The following SPANXN4 variants were observed in gnomAD, a reference collection of about 807,000 sequenced individuals.
SPANXN4 encodes sperm protein associated with the nucleus on the X chromosome N4.
In SPANXN4, 5 loss-of-function variants were observed where a neutral mutation model predicts 6.0. The observed-to-expected ratio is 0.83, with a 90% CI of 0.44 to 1.75. The LOEUF is 1.75. SPANXN4 is among the 40% of genes most tolerant of loss of function. SPANXN4 has a pLI of 0.02. For missense variants in SPANXN4, 157 were observed against 108.6 expected, an observed-to-expected ratio of 1.45 and a Z score of -1.98; for synonymous variants, 45 against 38.0, an observed-to-expected ratio of 1.19 and a Z score of -0.68.
intron 1 of SPANXN4, among the ~76,000 whole-genome samples, chrX:143,030,981 T>C (rs1484786589): frequency 9.0e-6 from 1 of 111,516 alleles, no homozygotes; most frequent in African/African-American, 3.3e-5. Context: ...TGTGTGGCTA[T>C]TGTGGGTTTA....
intron 1 of SPANXN4, among the ~76,000 whole-genome samples, chrX:143,033,696 C>T (rs950622311): frequency 1.8e-5 from 2 of 111,971 alleles, no homozygotes; most frequent in Non-Finnish European, 3.8e-5. Flanking sequence ...AGCAATGTTT[C>T]TTAGTTGGGC....
chrX:143,036,335 T>A (rs940877327), downstream of SPANXN4, among the ~76,000 whole-genome samples: 1 of 110,944 alleles, frequency 9.0e-6, no homozygotes, highest in Non-Finnish European at 1.9e-5. Context: ...TCACACCGAA[T>A]CTCACAGATC....
downstream of SPANXN4, among the ~76,000 whole-genome samples, chrX:143,036,359 G>C (rs1932843903): frequency 9.0e-6 from 1 of 110,647 alleles, no homozygotes. Flanking sequence ...ACACAGAATT[G>C]GGGAGTATGA....
chrX:143,026,374 AC>A (rs1932778596), intron 1 of SPANXN4, among the ~76,000 whole-genome samples: 1 of 110,810 alleles, frequency 9.0e-6, no homozygotes, highest in Non-Finnish European at 1.9e-5. Context: ...TGTTGCTTGG[AC>A]CTTTTTCCCC....
intron 1 of SPANXN4, among the ~76,000 whole-genome samples, chrX:143,031,195 G>C (rs1460403833): frequency 9.0e-6 from 1 of 110,877 alleles, no homozygotes; most frequent in Non-Finnish European, 1.9e-5. Flanking sequence ...AGTGGTGAAG[G>C]AGGGTGTTGA....
intron 1 of SPANXN4, among the ~76,000 whole-genome samples, chrX:143,029,118 C>A (rs1349453155): frequency 9.0e-5 from 10 of 111,111 alleles, no homozygotes; most frequent in African/African-American, 3.3e-4. Flanking sequence ...TTAAGGGCTG[C>A]CTGCCAGGCT....
At chrX:143,031,136 C>T (rs1206644604) in intron 1 of SPANXN4, among the ~76,000 whole-genome samples, 2 of 110,654 alleles carry the variant, frequency 1.8e-5, no homozygotes, top group Non-Finnish European at 3.8e-5. Flanking sequence ...ATTTACTTAA[C>T]TTTCCCACCC....
downstream of SPANXN4, among the ~76,000 whole-genome samples, chrX:143,037,479 C>T (rs1302198865): frequency 9.0e-6 from 1 of 111,528 alleles, no homozygotes; most frequent in East Asian, 2.8e-4. Flanking sequence ...TCTCACTCCC[C>T]CAGCTTGACT....
intron 1 of SPANXN4, among the ~76,000 whole-genome samples, chrX:143,030,247 G>A (rs1718403850): frequency 9.0e-6 from 1 of 110,573 alleles, no homozygotes; most frequent in Admixed American, 9.6e-5. Context: ...TCCTGAATTA[G>A]CTCATTTTGT....
intron 1 of SPANXN4, among the ~76,000 whole-genome samples, chrX:143,028,093 G>T (rs562091914): frequency 1.7e-4 from 19 of 111,573 alleles, no homozygotes; most frequent in African/African-American, 5.9e-4. Context: ...GTCCTGTGAG[G>T]GAGAGAGAGT....
intron 1 of SPANXN4, among the ~76,000 whole-genome samples, chrX:143,030,595 C>A (rs1352273291): frequency 2.0e-5 from 2 of 98,150 alleles, no homozygotes; most frequent in Non-Finnish European, 4.1e-5. Context: ...TACATGAAAG[C>A]AAAAAAAAAA....
downstream of SPANXN4, chrX:143,034,816 T>G: frequency 1.4e-5 from 13 of 953,634 alleles, no homozygotes; most frequent in Non-Finnish European, 1.6e-5. Context: ...TAAGAAACTC[T>G]AGGTGGAGCA....
At chrX:143,034,613 A>T (rs1342201137) in exon 3 of SPANXN4, 1 of 1,166,230 alleles carries the variant, frequency 8.6e-7, no homozygotes, top group African/African-American at 1.8e-5. Context: ...TCTTTCCAAA[A>T]TGAAGACATC....
downstream of SPANXN4, among the ~76,000 whole-genome samples, chrX:143,038,252 T>A (rs1932852897): frequency 8.9e-6 from 1 of 112,180 alleles, no homozygotes; most frequent in Non-Finnish European, 1.9e-5. Flanking sequence ...CTGTTGGCTT[T>A]CTGTCTTTCA....
At chrX:143,032,618 C>T (rs762270093) in intron 1 of SPANXN4, among the ~76,000 whole-genome samples, 18 of 110,546 alleles carry the variant, frequency 1.6e-4, no homozygotes, top group Non-Finnish European at 2.6e-4. Context: ...AATCCATGAA[C>T]GGAGATAAGC....
intron 1 of SPANXN4, among the ~76,000 whole-genome samples, chrX:143,026,892 A>G (rs1932782153): frequency 8.9e-6 from 1 of 112,132 alleles, no homozygotes; most frequent in Non-Finnish European, 1.9e-5. Flanking sequence ...TGCAGCAGAG[A>G]TGTTTAGTTC....
chrX:143,030,831 T>C (rs758701936), intron 1 of SPANXN4, among the ~76,000 whole-genome samples: 185 of 111,279 alleles, frequency 1.7e-3, no homozygotes, highest in African/African-American at 5.8e-3. Flanking sequence ...GTAGCGAAAG[T>C]TGACAGACTT....
chrX:143,028,055 G>A (rs1052077745), intron 1 of SPANXN4, among the ~76,000 whole-genome samples: 8 of 111,478 alleles, frequency 7.2e-5, no homozygotes, highest in African/African-American at 2.6e-4. Context: ...GGCAACTTCT[G>A]GAATTCTTGT....
chrX:143,029,210 G>A (rs1486542612), intron 1 of SPANXN4, among the ~76,000 whole-genome samples: 2 of 111,416 alleles, frequency 1.8e-5, no homozygotes, highest in African/African-American at 3.3e-5. Context: ...GGTGGCCTGC[G>A]GTGGTAGGTT....
Sources: gnomAD v4.1 joint callset for allele counts (sites outside exome capture counted in the v4.1 genomes callset) on GRCh38, gnomAD v4.1.1 for gene constraint, MANE v1.5 for transcripts, NCBI Gene and HGNC (gene_info 2026-07-23, HGNC 2026-07-21) for gene names.